Variants in SMYD3 observed in about 807,000 individuals in gnomAD.
SMYD3 encodes the protein histone-lysine N-methyltransferase SMYD3.
In SMYD3, 36 loss-of-function variants were observed where a neutral mutation model predicts 57.7. The ratio of observed to expected loss-of-function variants is 0.62; its 90% CI spans 0.48 to 0.82. SMYD3 has a LOEUF of 0.82. Among genes scored for constraint, SMYD3 ranks in the 40% least tolerant of loss-of-function variants. The probability of loss-of-function intolerance (pLI) is 0.00; values close to 1 mark genes in which losing one functional copy is unlikely to be tolerated. For missense variants in SMYD3, 515 were observed against 538.8 expected, an observed-to-expected ratio of 0.96 and a Z score of 0.44; for synonymous variants, 211 against 195.0, an observed-to-expected ratio of 1.08 and a Z score of -0.68.
At chr1:246,307,623 T>G (rs373672041) in intron 5 of SMYD3, among the ~76,000 whole-genome samples, 33 of 151,642 alleles carry the variant, frequency 2.2e-4, no homozygotes, top group African/African-American at 6.3e-4. Context: ...GTTTCACCGT[T>G]TTAGCCGGGA....
intron 5 of SMYD3, among the ~76,000 whole-genome samples, chr1:246,060,836 A>G (rs1301004647): frequency 6.9e-6 from 1 of 144,082 alleles, no homozygotes; most frequent in Non-Finnish European, 1.5e-5. Context: ...GACAATACCA[A>G]CTGGTTTAGT....
At position 245,876,645 on chromosome 1, in the gene SMYD3, T is replaced by A. The variant is rs559496756; in HGVS notation, c.814-12759A>T. Among the ~76,000 whole-genome samples, 243 of 152,356 alleles carry A rather than the reference T, an allele frequency of 1.6e-3. 2 individuals carry two copies. Among genetic ancestry groups the A allele is most frequent in the African/African-American group, 5.5e-3 (228 of 41,582 alleles). The stretch of plus-strand genomic sequence containing the variant: ...ACCAAGTCTGTGGCACTACGGGGAA[T>A]AAATCTCATGCCCTTCAGGTGCTCT... On this transcript the variant is annotated intron_variant, in intron 8 of 11. Coordinates refer to ENST00000490107, the MANE Select transcript of SMYD3 (RefSeq NM_001167740.2).
chr1:245,829,025 A>G (rs2049675885), intron 10 of SMYD3, among the ~76,000 whole-genome samples: 1 of 149,288 alleles, frequency 6.7e-6, no homozygotes, highest in African/African-American at 2.5e-5. Context: ...TCTACTTACT[A>G]ACTCACACTT....
intron 5 of SMYD3, among the ~76,000 whole-genome samples, chr1:246,021,004 A>G (rs550369663): frequency 1.3e-5 from 2 of 152,228 alleles, no homozygotes; most frequent in Non-Finnish European, 2.9e-5. Context: ...CTAAGTAAAC[A>G]GCAAATTTGA....
intron 5 of SMYD3, chr1:246,035,566 C>T (rs991253987): frequency 2.6e-5 from 4 of 152,176 alleles, no homozygotes; most frequent in Admixed American, 6.5e-5. Flanking sequence ...CATCTTGTCA[C>T]AGGATAAGAG....
At chr1:246,393,313 T>A (rs60997120) in intron 1 of SMYD3, among the ~76,000 whole-genome samples, 1 of 152,206 alleles carries the variant, frequency 6.6e-6, no homozygotes, top group Non-Finnish European at 1.5e-5. Context: ...TTGACCATTA[T>A]AATCCAGTTA....
intron 1 of SMYD3, among the ~76,000 whole-genome samples, chr1:246,485,351 TATAG>T (rs1028135568): frequency 5.3e-5 from 8 of 152,250 alleles, no homozygotes; most frequent in Admixed American, 1.3e-4. Context: ...ACCAGAGTTT[TATAG>T]ATAAAATCCT....
intron 5 of SMYD3, among the ~76,000 whole-genome samples, chr1:246,082,196 G>A (rs1193189514): frequency 6.6e-6 from 1 of 152,142 alleles, no homozygotes; most frequent in Non-Finnish European, 1.5e-5. Context: ...AAGGCCATAA[G>A]ATTAGGGTTA....
intron 5 of SMYD3, among the ~76,000 whole-genome samples, chr1:246,133,642 G>A (rs903564117): frequency 6.6e-6 from 1 of 152,026 alleles, no homozygotes. Flanking sequence ...ACGGAAGCAG[G>A]GGTGTGGCTT....
intron 5 of SMYD3, among the ~76,000 whole-genome samples, chr1:246,190,794 A>AT (rs1286999982): frequency 6.6e-6 from 1 of 152,014 alleles, no homozygotes; most frequent in Non-Finnish European, 1.5e-5. Flanking sequence ...TCCAGCTATC[A>AT]TTTTTTCCCT....
At chr1:246,380,773 T>C (rs571920911) in intron 1 of SMYD3, among the ~76,000 whole-genome samples, 3 of 152,284 alleles carry the variant, frequency 2.0e-5, no homozygotes, top group Non-Finnish European at 4.4e-5. Context: ...TAACATGCAG[T>C]TGTTGAAAAG....
chr1:245,858,750 G>C, intron 9 of SMYD3, 80 bp from the exon 10 acceptor site: 1 of 1,462,808 alleles, frequency 6.8e-7, no homozygotes, highest in African/African-American at 1.4e-5. Context: ...AAAGGCTAAA[G>C]AGCTCCCAAG....
chr1:246,256,610 T>G (rs1373444590), intron 5 of SMYD3, among the ~76,000 whole-genome samples: 3 of 152,248 alleles, frequency 2.0e-5, no homozygotes, highest in Admixed American at 6.5e-5. Context: ...TTGTGTATCC[T>G]TTCAAATAAC....
intron 10 of SMYD3, among the ~76,000 whole-genome samples, chr1:245,789,294 A>C (rs1379588942): frequency 6.6e-6 from 1 of 152,202 alleles, no homozygotes; most frequent in African/African-American, 2.4e-5. Flanking sequence ...TATAAATGGA[A>C]AGTTGTTGCA....
At chr1:245,763,585 GA>G (rs1301525029) in intron 11 of SMYD3, among the ~76,000 whole-genome samples, 1 of 152,168 alleles carries the variant, frequency 6.6e-6, no homozygotes, top group African/African-American at 2.4e-5. Context: ...GGGTGGAAAG[GA>G]AGAGAGGAAG....
At chr1:246,153,304 C>T (rs1377320111) in intron 5 of SMYD3, among the ~76,000 whole-genome samples, 1 of 152,020 alleles carries the variant, frequency 6.6e-6, no homozygotes, top group Non-Finnish European at 1.5e-5. Flanking sequence ...CTGTGTTCCA[C>T]ATCCTCTCTG....
intron 5 of SMYD3, among the ~76,000 whole-genome samples, chr1:246,113,494 C>T (rs1188457688): frequency 6.6e-6 from 1 of 152,116 alleles, no homozygotes; most frequent in African/African-American, 2.4e-5. Flanking sequence ...TGTTTGCTGA[C>T]AGATAAAATA....
intron 10 of SMYD3, among the ~76,000 whole-genome samples, chr1:245,795,552 G>C (rs73134713): frequency 0.026 from 3,990 of 152,156 alleles, 170 homozygotes; most frequent in African/African-American, 0.091. Flanking sequence ...CACTCGCTTT[G>C]AGCCTAGCTA....
At chr1:246,164,928 C>T (rs966703096) in intron 5 of SMYD3, among the ~76,000 whole-genome samples, 1 of 152,204 alleles carries the variant, frequency 6.6e-6, no homozygotes, top group African/African-American at 2.4e-5. Flanking sequence ...CTTTGGGAGT[C>T]AGCCACACAG....
Sources: gnomAD v4.1 joint callset for allele counts (sites outside exome capture counted in the v4.1 genomes callset) on GRCh38, gnomAD v4.1.1 for gene constraint, MANE v1.5 for transcripts, NCBI Gene and HGNC (gene_info 2026-07-23, HGNC 2026-07-21) for gene names.